GRM7: variants seen among roughly 807,000 people sequenced by gnomAD.
GRM7 encodes glutamate metabotropic receptor 7, also known as metabotropic glutamate receptor 7.
Under a neutral mutation model 84.5 loss-of-function variants are expected in GRM7, and 35 were observed. The ratio of observed to expected loss-of-function variants is 0.41; its 90% CI spans 0.32 to 0.55. GRM7 has a LOEUF of 0.55. Ranked by LOEUF, GRM7 falls within the 20% of genes least tolerant of loss-of-function variation. GRM7 has a pLI of 0.19. For missense variants in GRM7, 1,003 were observed against 1,194.6 expected, an observed-to-expected ratio of 0.84 and a Z score of 2.36; for synonymous variants, 487 against 455.1, an observed-to-expected ratio of 1.07 and a Z score of -0.89.
At chr3:7,501,976 A>G (rs1337183929) in intron 7 of GRM7, among the ~76,000 whole-genome samples, 2 of 152,206 alleles carry the variant, frequency 1.3e-5, no homozygotes, top group South Asian at 2.1e-4. Flanking sequence ...TGGATAATGC[A>G]GCCTTACATA....
At chr3:7,681,511 T>C (rs1172928873) in intron 9 of GRM7, 2 of 152,228 alleles carry the variant, frequency 1.3e-5, no homozygotes, top group Admixed American at 6.5e-5. Flanking sequence ...TTTGAAAATA[T>C]GTAGACAAAG....
At chr3:7,694,667 T>TAACA (rs1700949641) in intron 9 of GRM7, among the ~76,000 whole-genome samples, 1 of 152,196 alleles carries the variant, frequency 6.6e-6, no homozygotes, top group Admixed American at 6.5e-5. Context: ...TTTAATTTCA[T>TAACA]AACACAACGC....
chr3:7,117,656 G>A (rs988676772), intron 1 of GRM7, among the ~76,000 whole-genome samples: 3 of 152,098 alleles, frequency 2.0e-5, no homozygotes, highest in East Asian at 1.9e-4. Flanking sequence ...GTGCAAAGAC[G>A]GAAGAACACG....
chr3:7,373,011 C>T (rs562759113), intron 4 of GRM7, among the ~76,000 whole-genome samples: 6 of 152,038 alleles, frequency 3.9e-5, no homozygotes, highest in Non-Finnish European at 7.4e-5. Context: ...ATAATTAGAA[C>T]AGCATATTTG....
intron 2 of GRM7, among the ~76,000 whole-genome samples, chr3:7,166,011 T>C (rs1694786999): frequency 6.6e-6 from 1 of 152,222 alleles, no homozygotes; most frequent in African/African-American, 2.4e-5. Context: ...GAATGTCATC[T>C]TTTCTTTATC....
At chr3:7,250,813 C>T (rs9681828) in intron 2 of GRM7, among the ~76,000 whole-genome samples, 6 of 152,092 alleles carry the variant, frequency 3.9e-5, no homozygotes, top group Admixed American at 2.6e-4. Context: ...TGTAAGCCAC[C>T]GCATCAAGCC....
intron 2 of GRM7, among the ~76,000 whole-genome samples, chr3:7,198,902 G>C (rs965522239): frequency 6.6e-6 from 1 of 152,108 alleles, no homozygotes; most frequent in African/African-American, 2.4e-5. Context: ...TTGAACAGAG[G>C]CAATGAAATC....
rs116423124 is a variant in GRM7 at position 7,251,869 on chromosome 3, A to G, written c.737-46815A>G. ...TAAGTATAACCTGATGTTGAGAGCA[A>G]ATTATCAAAGATAGTTATTACTATT... On this transcript the variant is annotated intron_variant, in intron 2 of 9. Coordinates refer to ENST00000357716, the MANE Select transcript of GRM7 (RefSeq NM_000844.4). 9.3e-3 allele frequency among the ~76,000 whole-genome samples: 1,419 copies of G among 152,312 alleles called. 15 individuals carry two copies. Among genetic ancestry groups the G allele is most frequent in the African/African-American group, 0.025 (1,058 of 41,556 alleles).
At chr3:7,189,920 C>T (rs1271314778) in intron 2 of GRM7, among the ~76,000 whole-genome samples, 1 of 151,590 alleles carries the variant, frequency 6.6e-6, no homozygotes, top group African/African-American at 2.4e-5. Context: ...GCATTATTTA[C>T]ACACACAGAC....
At chr3:7,526,842 G>A (rs1034007444) in intron 7 of GRM7, among the ~76,000 whole-genome samples, 6 of 152,030 alleles carry the variant, frequency 3.9e-5, no homozygotes, top group Admixed American at 3.3e-4. Flanking sequence ...TTGTAGGTGT[G>A]TGGCTTTTCT....
At chr3:7,425,597 A>C (rs1696574969) in intron 5 of GRM7, among the ~76,000 whole-genome samples, 1 of 152,178 alleles carries the variant, frequency 6.6e-6, no homozygotes, top group South Asian at 2.1e-4. Flanking sequence ...AGCAGTTGTA[A>C]ATTGAGCTAC....
At chr3:7,178,126 A>T (rs1267085708) in intron 2 of GRM7, among the ~76,000 whole-genome samples, 1 of 152,224 alleles carries the variant, frequency 6.6e-6, no homozygotes, top group Non-Finnish European at 1.5e-5. Flanking sequence ...TTCTTAAAGA[A>T]TCATTTCTCT....
chr3:7,015,740 G>A (rs768239186), intron 1 of GRM7, among the ~76,000 whole-genome samples: 41 of 152,290 alleles, frequency 2.7e-4, no homozygotes, highest in Admixed American at 1.8e-3. Flanking sequence ...CCTGCCAGCT[G>A]TTCTTTGACA....
chr3:6,967,069 A>G (rs1463934469), intron 1 of GRM7, among the ~76,000 whole-genome samples: 1 of 152,214 alleles, frequency 6.6e-6, no homozygotes, highest in Non-Finnish European at 1.5e-5. Flanking sequence ...CCTGGCCTCA[A>G]GTGATCCTCC....
At chr3:7,494,660 T>C (rs1361484320) in intron 7 of GRM7, among the ~76,000 whole-genome samples, 4 of 152,168 alleles carry the variant, frequency 2.6e-5, no homozygotes, top group Non-Finnish European at 5.9e-5. Flanking sequence ...TTGTCTGTTT[T>C]TACATTAGGT....
chr3:7,568,217 G>T (rs1182234502), intron 7 of GRM7, among the ~76,000 whole-genome samples: 1 of 151,752 alleles, frequency 6.6e-6, no homozygotes, highest in East Asian at 1.9e-4. Context: ...GGGTCCTTGT[G>T]TACTCTCAAT....
chr3:6,916,179 G>A (rs929158123), intron 1 of GRM7, among the ~76,000 whole-genome samples: 1 of 152,124 alleles, frequency 6.6e-6, no homozygotes, highest in Non-Finnish European at 1.5e-5. Flanking sequence ...ATACAATAAT[G>A]GGCAAAACAG....
chr3:7,042,068 A>C (rs377051383), intron 1 of GRM7, among the ~76,000 whole-genome samples: 1 of 152,154 alleles, frequency 6.6e-6, no homozygotes, highest in East Asian at 1.9e-4. Flanking sequence ...ACCTCGCCCT[A>C]TGCATCTCTT....
chr3:7,265,779 G>A (rs964131878), intron 2 of GRM7, among the ~76,000 whole-genome samples: 1 of 152,158 alleles, frequency 6.6e-6, no homozygotes, highest in African/African-American at 2.4e-5. Flanking sequence ...AAACATGACA[G>A]GCCACCTTTC....
Sources: allele counts gnomAD v4.1 joint callset (sites outside exome capture counted in the v4.1 genomes callset), GRCh38; gene constraint gnomAD v4.1.1; transcripts MANE v1.5; gene names NCBI Gene and HGNC (gene_info 2026-07-23, HGNC 2026-07-21).